Variants in MPRIP observed in about 807,000 individuals in gnomAD.
The protein encoded by MPRIP is myosin phosphatase Rho interacting protein, also known as myosin phosphatase Rho-interacting protein.
MPRIP carries 59 observed loss-of-function variants against 234.9 expected under a neutral mutation model. That is an observed-to-expected ratio of 0.25 (90% CI 0.20 to 0.31). The LOEUF (loss-of-function observed/expected upper bound fraction) is 0.31. Ranked by LOEUF, MPRIP falls within the 10% of genes least tolerant of loss-of-function variation. The probability of loss-of-function intolerance (pLI) is 1.00; values close to 1 mark genes in which losing one functional copy is unlikely to be tolerated. For synonymous variants in MPRIP, 1,144 were observed against 1,263.9 expected, an observed-to-expected ratio of 0.91 and a Z score of 2.01; for missense variants, 2,436 against 3,071.0, an observed-to-expected ratio of 0.79 and a Z score of 4.89.
At chr17:17,169,571 C>T (rs1398609890) in intron 16 of MPRIP, among the ~76,000 whole-genome samples, 1 of 152,244 alleles carries the variant, frequency 6.6e-6, no homozygotes, top group African/African-American at 2.4e-5. Flanking sequence ...CGGGATGAGG[C>T]CCCTCCCAGG....
intron 3 of MPRIP, among the ~76,000 whole-genome samples, chr17:17,110,030 C>T (rs987403605): frequency 6.6e-6 from 1 of 152,054 alleles, no homozygotes; most frequent in African/African-American, 2.4e-5. Context: ...AGTTGGGAGG[C>T]GTTTGGGTCA....
chr17:17,177,459 G>C, intron 22 of MPRIP, 47 bp downstream of exon 22: 1 of 1,592,274 alleles, frequency 6.3e-7, no homozygotes, highest in South Asian at 1.1e-5. Flanking sequence ...GGGGGCTTAT[G>C]GGGGTTTGGT....
At chr17:17,171,580 C>T in intron 16 of MPRIP, 138 bp from the exon 17 acceptor site, 2 of 1,100,458 alleles carry the variant, frequency 1.8e-6, no homozygotes, top group African/African-American at 3.1e-5. Context: ...TTCAGGGCGC[C>T]CATGGTGGAG....
intron 3 of MPRIP, among the ~76,000 whole-genome samples, chr17:17,093,785 G>C (rs759984098): frequency 2.0e-5 from 3 of 152,206 alleles, no homozygotes; most frequent in Non-Finnish European, 2.9e-5. Flanking sequence ...ATACTCCGGT[G>C]CCTACCTCTG....
At chr17:17,131,253 C>T (rs1424786290) in intron 4 of MPRIP, among the ~76,000 whole-genome samples, 1 of 152,216 alleles carries the variant, frequency 6.6e-6, no homozygotes, top group African/African-American at 2.4e-5. Context: ...GCACCTGCCT[C>T]TGTTGCCCTA....
intron 17 of MPRIP, among the ~76,000 whole-genome samples, chr17:17,172,323 C>T (rs114434509): frequency 0.023 from 3,478 of 152,352 alleles, 105 homozygotes; most frequent in Middle Eastern, 0.085. Context: ...TTTATGTAAT[C>T]GCCACCTCAG....
At chr17:17,059,753 G>A (rs1009631726) in intron 1 of MPRIP, among the ~76,000 whole-genome samples, 4 of 152,210 alleles carry the variant, frequency 2.6e-5, no homozygotes, top group African/African-American at 7.2e-5. Context: ...GACATCAGGG[G>A]CATCCCTGAC....
At position 17,164,777 on chromosome 17, in the gene MPRIP, G is replaced by A; in HGVS notation, c.3186G>A (p.Glu1062=). 1 of 1,304,258 alleles carries A rather than the reference G, an allele frequency of 7.7e-7. No individual in the cohort carries two copies. Among genetic ancestry groups the A allele is most frequent in the Non-Finnish European group, 1.0e-6 (1 of 988,944 alleles). The allele number at this position is 1,304,258 out of a possible 1,614,324, so 80.8% of individuals were successfully genotyped here. The change falls in exon 16 of 24, where the codon GAG becomes GAA. Residue 1062 remains glutamate, a synonymous_variant. Transcript: ENST00000651222. The part of the protein sequence containing the change: ...DQLQGQAQQV[E]TLQKEKLSAT... Reference sequence around the variant, plus strand: ...TGCAGGGTCAGGCACAGCAGGTGGAGACCCTGCAGAAGGAGAAGCTGAGCG... The same window carrying A: ...TGCAGGGTCAGGCACAGCAGGTGGAAACCCTGCAGAAGGAGAAGCTGAGCG...
chr17:17,135,863 G>C lies in MPRIP; in HGVS notation c.505-356G>C, dbSNP rs563252409. ...CTGGGCACTCCATTTTAGCTTCTTA[G>C]GGGCAAAAAGCAGAGGGTGGGTAAG... On this transcript the variant is annotated intron_variant, in intron 5 of 23. Transcript: ENST00000651222. Among the ~76,000 whole-genome samples, 5 of 152,308 alleles carry C rather than the reference G, an allele frequency of 3.3e-5. No homozygotes were observed. The South Asian group carries it at 1.0e-3, about 32-fold the overall frequency.
At chr17:17,053,034 C>T (rs1274159367) in intron 1 of MPRIP, among the ~76,000 whole-genome samples, 2 of 152,048 alleles carry the variant, frequency 1.3e-5, no homozygotes, top group Non-Finnish European at 2.9e-5. Flanking sequence ...TCTCCTGGGT[C>T]TCCTGATGCC....
intron 4 of MPRIP, among the ~76,000 whole-genome samples, chr17:17,128,190 A>T (rs2144400998): frequency 6.6e-6 from 1 of 152,168 alleles, no homozygotes; most frequent in African/African-American, 2.4e-5. Context: ...CACACAGCCG[A>T]GGCTTCCTCT....
rs757176139 is a variant in MPRIP, at chr17:17,173,922, G to C, written c.6597G>C (p.Glu2199Asp). 1 of 1,613,494 alleles carries C rather than the reference G, an allele frequency of 6.2e-7. No homozygotes were observed. The highest frequency in any genetic ancestry group is 1.1e-5 in the South Asian group (1 of 91,082). ...VEALRRQYLE[E>D]LQSVQRELEV... Reference sequence around the variant, plus strand: ...AGTGCTGCCCTCTCCCCAGGGAGGAGCTGCAGTCGGTGCAGCGGGAACTGG... The same window carrying C: ...AGTGCTGCCCTCTCCCCAGGGAGGACCTGCAGTCGGTGCAGCGGGAACTGG... The change falls in exon 19 of 24, where the codon GAG becomes GAC. Residue 2199 changes from glutamate to aspartate, a missense_variant. Physicochemically the swap from Glu to Asp is conservative, Grantham distance 45 (BLOSUM62 2). This residue lies in a region of MPRIP where 1,998 missense variants were observed against 2,520.3 expected (regional missense o/e 0.79). Coordinates refer to ENST00000651222, the MANE Select transcript of MPRIP (RefSeq NM_001364716.4).
chr17:17,176,172 T>G (rs1047724753), intron 20 of MPRIP, among the ~76,000 whole-genome samples: 5 of 152,196 alleles, frequency 3.3e-5, no homozygotes, highest in Non-Finnish European at 7.3e-5. Flanking sequence ...GCAGGTCTAG[T>G]TCACAGCACC....
intron 3 of MPRIP, among the ~76,000 whole-genome samples, chr17:17,125,590 A>G (rs1463596004): frequency 1.3e-5 from 2 of 152,204 alleles, no homozygotes; most frequent in African/African-American, 2.4e-5. Context: ...GGTTGCACCT[A>G]ACCTGTTTCT....
At chr17:17,089,352 C>T (rs570712293) in intron 3 of MPRIP, among the ~76,000 whole-genome samples, 3 of 152,318 alleles carry the variant, frequency 2.0e-5, no homozygotes, top group Admixed American at 6.5e-5. Flanking sequence ...TTCCTTGGCT[C>T]GTGGCCTCTT....
chr17:17,154,633 A>G (rs547031562), intron 13 of MPRIP, among the ~76,000 whole-genome samples: 3 of 152,204 alleles, frequency 2.0e-5, no homozygotes, highest in African/African-American at 7.2e-5. Flanking sequence ...CAAGCGTTTC[A>G]TCTTGCAGGT....
chr17:17,177,366 A>G lies in MPRIP; in HGVS notation c.7074A>G (p.Glu2358=), dbSNP rs1374907299. 6.2e-7 allele frequency: 1 copy of G among 1,613,926 alleles called. No homozygotes were observed. The change falls in exon 22 of 24, where the codon GAA becomes GAG. Residue 2358 remains glutamate, a synonymous_variant. Coordinates refer to ENST00000651222, the MANE Select transcript of MPRIP (RefSeq NM_001364716.4). ...RLKEQLKAAT[E]ALGEKSPDSA... is the part of the protein sequence containing the mutation. ...AGGAGCAGCTCAAGGCTGCAACGGA[A>G]GCACTGGGGGAGAAGTCCCCTGACA...
At chr17:17,176,305 A>G (rs900682936) in intron 20 of MPRIP, 121 bp from the exon 21 acceptor site, 38 of 732,346 alleles carry the variant, frequency 5.2e-5, no homozygotes, top group Non-Finnish European at 8.1e-5. Flanking sequence ...CGCATTGGGC[A>G]CCACGAGGCT....
rs1161646580 is a variant in MPRIP at position 17,158,784 on chromosome 17, G to A, written c.2182G>A (p.Ala728Thr). Reference sequence around the variant, plus strand: ...CACAGACGGGCCAGGCACTGAGGATGCAGCCCTGCGCATGGAGGTGGACCG... The same window carrying A: ...CACAGACGGGCCAGGCACTGAGGATACAGCCCTGCGCATGGAGGTGGACCG... ...DATDGPGTED[A>T]ALRMEVDRSP... Residue 728 changes from alanine (A) to threonine (T), a missense_variant, in exon 14 of 24, where the codon GCA becomes ACA. Coordinates refer to ENST00000651222, the MANE Select transcript of MPRIP (RefSeq NM_001364716.4). 6.2e-7 allele frequency: 1 copy of A among 1,611,724 alleles called. No individual in the cohort carries two copies. The highest frequency in any genetic ancestry group is 1.1e-5 in the South Asian group (1 of 91,030).
Sources: allele counts gnomAD v4.1 joint callset (sites outside exome capture counted in the v4.1 genomes callset), GRCh38; gene constraint gnomAD v4.1.1; regional missense constraint gnomAD v4.1.1; transcripts MANE v1.5; gene names NCBI Gene and HGNC (gene_info 2026-07-23, HGNC 2026-07-21).